Variants in SULF2 observed in about 807,000 individuals in gnomAD.
The protein encoded by SULF2 is sulfatase 2.
Under a neutral mutation model 107.7 loss-of-function variants are expected in SULF2, and 52 were observed. The ratio of observed to expected loss-of-function variants is 0.48; its 90% confidence interval spans 0.39 to 0.61. SULF2 has a LOEUF of 0.61. Ranked by LOEUF, SULF2 falls within the 20% of genes least tolerant of loss-of-function variation. SULF2 has a pLI of 0.00. For missense variants in SULF2, 993 were observed against 1,177.3 expected (o/e 0.84, Z 2.29); for synonymous variants, 460 against 464.3 (o/e 0.99, Z 0.12).
chr20:47,780,974 G>T (rs554536664), intron 1 of SULF2, among the ~76,000 whole-genome samples: 1 of 152,296 alleles, frequency 6.6e-6, no homozygotes, highest in Non-Finnish European at 1.5e-5. Flanking sequence ...ATGACATATT[G>T]GTCATGCCCC....
rs537202424 is a variant in SULF2 at position 47,695,745 on chromosome 20, C to T, written c.568-5450G>A. Among the ~76,000 whole-genome samples the T allele has an allele frequency of 9.8e-5, 15 of 152,326 alleles. No homozygotes were observed. The South Asian group carries it at 2.7e-3, about 27-fold the overall frequency. On this transcript the variant is annotated intron_variant, in intron 4 of 20. Transcript: ENST00000688720. ...TCTCCTGCCTCAGCCTCCCAAGTAG[C>T]TGGACTACAGGCATGTGCCACCATG...
At chr20:47,729,590 G>GA (rs145131382) in intron 3 of SULF2, among the ~76,000 whole-genome samples, 7,055 of 150,448 alleles carry the variant, frequency 0.047, 213 homozygotes, top group Middle Eastern at 0.079. Flanking sequence ...AAAGGAATAG[G>GA]AAAAAAAAAA....
chr20:47,779,896 C>A (rs753272461), intron 1 of SULF2, among the ~76,000 whole-genome samples: 5 of 152,104 alleles, frequency 3.3e-5, no homozygotes, highest in Admixed American at 6.5e-5. Flanking sequence ...CATAAGCCAC[C>A]GCGTCCAGAC....
intron 2 of SULF2, among the ~76,000 whole-genome samples, chr20:47,741,549 G>A (rs57370707): frequency 0.01 from 1,532 of 152,202 alleles, 19 homozygotes; most frequent in African/African-American, 0.034. Flanking sequence ...TACTGATCCC[G>A]TTTGCTGTTC....
At chr20:47,691,184 G>A (rs1056682112) in intron 4 of SULF2, among the ~76,000 whole-genome samples, 1 of 152,224 alleles carries the variant, frequency 6.6e-6, no homozygotes, top group Admixed American at 6.5e-5. Context: ...TCCCTGGGGT[G>A]CCTACACTGG....
At position 47,722,125 on chromosome 20, in the gene SULF2, C is replaced by T. The variant is rs113694303; in HGVS notation, c.415+14578G>A. ...ACAGGGTTCTGACAGCGTTTGAGCA[C>T]TGGGACCTGGCAAAGTTTGCCTGAA... On this transcript the variant is annotated intron_variant, in intron 3 of 20. Transcript: ENST00000688720. Among the ~76,000 whole-genome samples, 554 of 152,320 alleles carry T rather than the reference C, an allele frequency of 3.6e-3. 1 individual carries two copies. Among genetic ancestry groups the T allele is most frequent in the Middle Eastern group, 0.014 (4 of 294 alleles).
chr20:47,752,803 T>G (rs370503699), intron 2 of SULF2, among the ~76,000 whole-genome samples: 2 of 151,752 alleles, frequency 1.3e-5, no homozygotes, highest in South Asian at 4.2e-4. Flanking sequence ...AAGAATTCTT[T>G]TGAAATGCAA....
intron 1 of SULF2, among the ~76,000 whole-genome samples, chr20:47,779,683 T>G (rs1469935484): frequency 6.6e-6 from 1 of 152,242 alleles, no homozygotes; most frequent in Non-Finnish European, 1.5e-5. Context: ...CTCAGCTCAC[T>G]GCAACCTCCA....
chr20:47,698,202 C>T lies in SULF2; in HGVS notation c.567+4317G>A, dbSNP rs532713161. ...GAAGTGGGACAGAGTGTTTTTTGGC[C>T]GTTGAGCACCTAGTCAGCCTTCTCC... On this transcript the variant is annotated intron_variant, in intron 4 of 20. Coordinates refer to ENST00000688720, the MANE Select transcript of SULF2 (RefSeq NM_001387048.1). Among the ~76,000 whole-genome samples, 81 of 152,280 alleles carry T rather than the reference C, an allele frequency of 5.3e-4. 1 individual carries two copies. Among genetic ancestry groups the T allele is most frequent in the African/African-American group, 1.6e-3 (68 of 41,552 alleles).
chr20:47,665,961 A>T lies in SULF2; in HGVS notation c.1806-8T>A. The T allele has an allele frequency of 6.2e-7, 1 of 1,613,490 alleles. No homozygotes were observed. Among genetic ancestry groups the T allele is most frequent in the Non-Finnish European group, 8.5e-7 (1 of 1,179,454 alleles). ...TTCTCTAGGATGTAGCACCTGCTTG[A>T]GAGAAGGGATCACGTGTGGCTCGGA... On this transcript the variant is annotated splice_polypyrimidine_tract_variant and splice_region_variant and intron_variant, in intron 12 of 20. Transcript: ENST00000688720.
chr20:47,750,313 T>C (rs1412439802), intron 2 of SULF2, among the ~76,000 whole-genome samples: 1 of 152,220 alleles, frequency 6.6e-6, no homozygotes, highest in African/African-American at 2.4e-5. Flanking sequence ...CCCATCTCTG[T>C]ACACAGAAAA....
intron 2 of SULF2, 40 bp from the exon 3 acceptor site, chr20:47,736,982 C>T (rs1185333188): frequency 6.2e-7 from 1 of 1,610,430 alleles, no homozygotes; most frequent in South Asian, 1.1e-5. Flanking sequence ...GGGCAGGAGA[C>T]CCGGGCGGCA....
intron 1 of SULF2, among the ~76,000 whole-genome samples, chr20:47,761,271 C>G (rs1373559579): frequency 6.6e-6 from 1 of 152,178 alleles, no homozygotes; most frequent in Non-Finnish European, 1.5e-5. Flanking sequence ...CAGAAGATGG[C>G]AGGGATGGGA....
intron 3 of SULF2, among the ~76,000 whole-genome samples, chr20:47,708,798 G>A (rs979542523): frequency 6.6e-6 from 1 of 152,154 alleles, no homozygotes; most frequent in Non-Finnish European, 1.5e-5. Context: ...TTCTTCATAG[G>A]GAGTGGGTGG....
chr20:47,734,596 G>A (rs2089687236), intron 3 of SULF2, among the ~76,000 whole-genome samples: 1 of 152,186 alleles, frequency 6.6e-6, no homozygotes, highest in Non-Finnish European at 1.5e-5. Flanking sequence ...ACTATACAGG[G>A]TATGTGGCTC....
intron 4 of SULF2, among the ~76,000 whole-genome samples, chr20:47,692,270 A>G (rs998798153): frequency 3.3e-5 from 5 of 152,226 alleles, no homozygotes; most frequent in Non-Finnish European, 5.9e-5. Context: ...ATGTATTCAT[A>G]TATCTACAGA....
intron 1 of SULF2, among the ~76,000 whole-genome samples, chr20:47,778,185 G>A (rs2090758663): frequency 6.6e-6 from 1 of 152,160 alleles, no homozygotes; most frequent in African/African-American, 2.4e-5. Context: ...GGTGGGTCAA[G>A]TCACCCGCTG....
chr20:47,774,344 G>T (rs535908026), intron 1 of SULF2, among the ~76,000 whole-genome samples: 1 of 152,354 alleles, frequency 6.6e-6, no homozygotes, highest in Non-Finnish European at 1.5e-5. Context: ...CAGGTGTTGG[G>T]GTGGAAGGCA....
rs771539655 is a variant in SULF2, at chr20:47,702,472, C to A, written c.567+47G>T. On this transcript the variant is annotated intron_variant, in intron 4 of 20. Transcript: ENST00000688720. ...TCTGGCTCCTGAGTTGGGCCTCTAA[C>A]TGCTGGGCCACACAGCCACTCCCAG... The A allele has an allele frequency of 7.5e-6, 12 of 1,593,616 alleles. 1 individual carries two copies. The African/African-American group carries it at 8.1e-5, about 11-fold the overall frequency.
Sources: allele counts gnomAD v4.1 joint callset (sites outside exome capture counted in the v4.1 genomes callset), GRCh38; gene constraint gnomAD v4.1.1; transcripts MANE v1.5; gene names NCBI Gene and HGNC (gene_info 2026-07-23, HGNC 2026-07-21).